Variants in PARM1 observed in about 807,000 individuals in gnomAD.
PARM1 encodes prostate androgen-regulated mucin-like protein 1, also known as WSC4, cell wall integrity and stress response component 4 homolog.
In PARM1, 14 loss-of-function variants were observed where a neutral mutation model predicts 24.6. The ratio of observed to expected loss-of-function variants is 0.57; its 90% CI spans 0.38 to 0.89. The LOEUF (loss-of-function observed/expected upper bound fraction) is 0.89, where lower values mean the gene tolerates loss of function less well. PARM1 is among the 40% of genes least tolerant of loss of function. PARM1 has a pLI of 0.00. For missense variants in PARM1, 362 were observed against 380.4 expected, an observed-to-expected ratio of 0.95 and a Z score of 0.40; for synonymous variants, 179 against 156.6, an observed-to-expected ratio of 1.14 and a Z score of -1.07.
intron 1 of PARM1, among the ~76,000 whole-genome samples, chr4:74,961,181 CA>C (rs2109989375): frequency 6.6e-6 from 1 of 152,162 alleles, no homozygotes; most frequent in South Asian, 2.1e-4. Context: ...CAGTAAGATT[CA>C]AAGACAGCTT....
At chr4:74,947,861 A>G (rs547761180) in intron 1 of PARM1, among the ~76,000 whole-genome samples, 1 of 152,342 alleles carries the variant, frequency 6.6e-6, no homozygotes, top group Non-Finnish European at 1.5e-5. Flanking sequence ...AGTTGCTTGC[A>G]AAACAAGTCC....
At chr4:75,030,473 A>AT (rs1352759639) in intron 2 of PARM1, among the ~76,000 whole-genome samples, 2 of 152,190 alleles carry the variant, frequency 1.3e-5, no homozygotes, top group African/African-American at 4.8e-5. Context: ...GTCCTGGGCC[A>AT]TTAAAAAAAA....
chr4:75,008,006 A>C (rs182064613), intron 1 of PARM1, among the ~76,000 whole-genome samples: 1 of 152,332 alleles, frequency 6.6e-6, no homozygotes, highest in African/African-American at 2.4e-5. Flanking sequence ...TAAGCCACCC[A>C]ATCTGTGGTA....
At chr4:75,023,387 A>G (rs1371715665) in intron 2 of PARM1, among the ~76,000 whole-genome samples, 1 of 152,246 alleles carries the variant, frequency 6.6e-6, no homozygotes, top group African/African-American at 2.4e-5. Context: ...ACAAGTATAT[A>G]AAGTGCCTCT....
intron 1 of PARM1, among the ~76,000 whole-genome samples, chr4:74,960,949 G>A (rs1210713257): frequency 1.3e-4 from 19 of 151,208 alleles, no homozygotes; most frequent in African/African-American, 4.6e-4. Flanking sequence ...AGCTTGCAGT[G>A]AGCCAAGATT....
At chr4:75,007,920 C>T (rs1224744617) in intron 1 of PARM1, among the ~76,000 whole-genome samples, 1 of 152,202 alleles carries the variant, frequency 6.6e-6, no homozygotes, top group African/African-American at 2.4e-5. Flanking sequence ...GGGCCCTCAC[C>T]AGAAACTGAA....
At chr4:75,030,181 G>A (rs1723249469) in intron 2 of PARM1, among the ~76,000 whole-genome samples, 1 of 152,188 alleles carries the variant, frequency 6.6e-6, no homozygotes, top group Non-Finnish European at 1.5e-5. Context: ...GCTAGATAGT[G>A]AAGAAGAATA....
At chr4:75,043,968 G>A (rs544012226) in intron 3 of PARM1, among the ~76,000 whole-genome samples, 2 of 151,126 alleles carry the variant, frequency 1.3e-5, no homozygotes, top group South Asian at 4.2e-4. Context: ...TAGGTCAGCT[G>A]AATCAGCCTT....
intron 3 of PARM1, among the ~76,000 whole-genome samples, chr4:75,037,805 A>G (rs1327734039): frequency 1.3e-5 from 2 of 152,238 alleles, no homozygotes; most frequent in Non-Finnish European, 2.9e-5. Flanking sequence ...TCAATCTGCA[A>G]AAAATAGAGT....
intron 1 of PARM1, among the ~76,000 whole-genome samples, chr4:75,002,482 T>C (rs537970912): frequency 5.3e-5 from 8 of 151,930 alleles, no homozygotes. Flanking sequence ...TTTCAGTGAA[T>C]GATTGAGCAA....
rs371914223 is a variant in PARM1, at chr4:74,933,355, T to C, written c.28T>C (p.Cys10Arg). The change falls in exon 1 of 4, where the codon TGC (cysteine) becomes CGC (arginine). Residue 10 changes from cysteine to arginine, a missense_variant. Cys to Arg is a radical substitution (Grantham distance 180). Transcript: ENST00000307428. ...GGTCTACAAGACTCTCTTCGCTCTT[T>C]GCATCTTAACTGCAGGTAATTGGCG... is the stretch of plus-strand genomic sequence containing the variant. MVYKTLFALCILTAGWRVQS... is the reference protein window; with the variant it reads MVYKTLFALRILTAGWRVQS... The C allele has an allele frequency of 3.0e-5, 48 of 1,612,830 alleles. No individual in the cohort carries two copies. The highest frequency in any genetic ancestry group is 3.9e-5 in the Non-Finnish European group (46 of 1,179,580).
intron 1 of PARM1, among the ~76,000 whole-genome samples, chr4:74,934,605 C>T (rs917209671): frequency 1.3e-5 from 2 of 152,204 alleles, no homozygotes; most frequent in African/African-American, 4.8e-5. Flanking sequence ...TTTGGAGACG[C>T]GTCCGCGGAC....
chr4:75,016,107 G>C (rs576858443), intron 2 of PARM1, among the ~76,000 whole-genome samples: 1 of 152,302 alleles, frequency 6.6e-6, no homozygotes, highest in African/African-American at 2.4e-5. Context: ...TATTATGGGA[G>C]TTAAATTTGA....
chr4:75,044,884 T>G (rs1172054281), intron 3 of PARM1, among the ~76,000 whole-genome samples: 1 of 151,982 alleles, frequency 6.6e-6, no homozygotes, highest in African/African-American at 2.4e-5. Flanking sequence ...TCAGGGAAAC[T>G]CCCCCTTACA....
Position 74,993,783 on chromosome 4 carries a change from A to G in PARM1, c.44-18642A>G, listed in dbSNP as rs573195360. 3 of 152,232 alleles carry G rather than the reference A, an allele frequency of 2.0e-5. No individual in the cohort carries two copies. In the East Asian group the frequency reaches 5.8e-4, roughly 29 times the overall value. 9.4% of individuals were successfully genotyped at this position (152,232 alleles called of 1,614,324 possible). ...CTAGGCATGAAGAGTGGATTTGCAA[A>G]GGGGTATGAGAAAACCTTTGTAGGT... is the stretch of plus-strand genomic sequence containing the variant. On this transcript the variant is annotated intron_variant, in intron 1 of 3. Transcript: ENST00000307428.
rs1395573041 is a variant in PARM1 at position 75,046,958 on chromosome 4, C to G, written c.*711C>G. The G allele has an allele frequency of 2.0e-5, 3 of 152,358 alleles. No homozygotes were observed. Among genetic ancestry groups the G allele is most frequent in the Non-Finnish European group, 4.4e-5 (3 of 68,208 alleles). 9.4% of individuals were successfully genotyped at this position (152,358 alleles called of 1,614,324 possible). A position where few individuals can be genotyped will look rare whatever the true frequency, so the allele number is the denominator to read the frequency against. The stretch of plus-strand genomic sequence containing the variant: ...CCTGTCTCTGTAAAGGATGTCTGCT[C>G]TGTTCAAAAGGCAGCTGGGATCCCA... On this transcript the variant is annotated 3_prime_UTR_variant, in exon 4 of 4. Coordinates refer to ENST00000307428, the MANE Select transcript of PARM1 (RefSeq NM_015393.4).
chr4:74,974,223 A>C (rs563167248), intron 1 of PARM1, among the ~76,000 whole-genome samples: 19 of 152,330 alleles, frequency 1.2e-4, no homozygotes, highest in Admixed American at 9.1e-4. Context: ...TACTTTACTG[A>C]GTCCATGGAT....
Position 75,049,771 on chromosome 4 carries a change from G to A in PARM1, c.*3524G>A, listed in dbSNP as rs937870951. 11 of 152,158 alleles carry A rather than the reference G, an allele frequency of 7.2e-5. No individual in the cohort carries two copies. The highest frequency in any genetic ancestry group is 2.7e-4 in the African/African-American group (11 of 41,210). 9.4% of individuals were successfully genotyped at this position (152,158 alleles called of 1,614,324 possible). On this transcript the variant is annotated 3_prime_UTR_variant, in exon 4 of 4. Coordinates refer to ENST00000307428, the MANE Select transcript of PARM1 (RefSeq NM_015393.4). The stretch of plus-strand genomic sequence containing the variant: ...TTCATCTTGCTTGCAAGTGTGCATG[G>A]TTCAATCCCTCACATCCAGGAAATG...
intron 1 of PARM1, among the ~76,000 whole-genome samples, chr4:74,952,099 G>C (rs1351666276): frequency 6.6e-6 from 1 of 152,178 alleles, no homozygotes; most frequent in East Asian, 1.9e-4. Flanking sequence ...TCCAGCATCT[G>C]TTGTTTACTG....
Sources: gnomAD v4.1 joint callset for allele counts (sites outside exome capture counted in the v4.1 genomes callset) on GRCh38, gnomAD v4.1.1 for gene constraint, MANE v1.5 for transcripts, NCBI Gene and HGNC (gene_info 2026-07-23, HGNC 2026-07-21) for gene names.